TPD52L3: variants seen among roughly 807,000 people sequenced by gnomAD.
TPD52L3 encodes the protein TPD52 like 3.
A neutral mutation model predicts 8.7 loss-of-function variants in TPD52L3; 12 were observed. The ratio of observed to expected loss-of-function variants is 1.38; its 90% confidence interval spans 0.89 to 2.24. TPD52L3 has a LOEUF of 2.24. TPD52L3 is among the 30% of genes most tolerant of loss of function. The probability of loss-of-function intolerance (pLI) is 0.00; values close to 1 mark genes in which losing one functional copy is unlikely to be tolerated. For synonymous variants in TPD52L3, 79 were observed against 66.8 expected (o/e 1.18, Z -0.89); for missense variants, 207 against 158.7 (o/e 1.30, Z -1.64).
Position 6,328,419 on chromosome 9 carries a change from A to G in TPD52L3, c.-177A>G. The G allele has an allele frequency of 1.4e-6, 1 of 690,380 alleles. No individual in the cohort carries two copies. Among genetic ancestry groups the G allele is most frequent in the Non-Finnish European group, 2.4e-6 (1 of 415,794 alleles). 42.8% of individuals were successfully genotyped at this position (690,380 alleles called of 1,614,324 possible). The stretch of plus-strand genomic sequence containing the variant: ...CAACTGTCAAGGTGTCCATTGTACC[A>G]GCTGGGCCATGGATCCCTCCCGCCT... On this transcript the variant is annotated 5_prime_UTR_variant, in exon 1 of 2. Coordinates refer to ENST00000314556, the MANE Select transcript of TPD52L3 (RefSeq NM_001001874.3).
chr9:6,330,866 T>C, intron 1 of TPD52L3, 110 bp from the exon 2 acceptor site: 1 of 1,506,722 alleles, frequency 6.6e-7, no homozygotes, highest in Non-Finnish European at 8.9e-7. Flanking sequence ...ATATTTTATT[T>C]AATAATTTCT....
intron 1 of TPD52L3, chr9:6,329,729 T>C: frequency 1.0e-6 from 1 of 1,004,046 alleles, no homozygotes; most frequent in Non-Finnish European, 1.2e-6. Context: ...ATAGTGGTAG[T>C]GCACTAATTG....
rs1818057114 is a variant in TPD52L3 at position 6,328,436 on chromosome 9, C to T, written c.-160C>T. On this transcript the variant is annotated 5_prime_UTR_variant, in exon 1 of 2. Transcript: ENST00000314556. Reference sequence around the variant, plus strand: ...ATTGTACCAGCTGGGCCATGGATCCCTCCCGCCTGAAATCTGACTCCACCT... The same window carrying T: ...ATTGTACCAGCTGGGCCATGGATCCTTCCCGCCTGAAATCTGACTCCACCT... 1 of 851,506 alleles carries T rather than the reference C, an allele frequency of 1.2e-6. No homozygotes were observed. The highest frequency in any genetic ancestry group is 1.8e-6 in the Non-Finnish European group (1 of 550,456). The allele number at this position is 851,506 out of a possible 1,614,324, so 52.7% of individuals were successfully genotyped here. A position where few individuals can be genotyped will look rare whatever the true frequency, so the allele number is the denominator to read the frequency against.
At chr9:6,330,193 G>C (rs776665704) in intron 1 of TPD52L3, 1 of 1,614,078 alleles carries the variant, frequency 6.2e-7, no homozygotes. Context: ...AAACCCTAAA[G>C]GAGAAGGAAG....
chr9:6,329,181 C>G, intron 1 of TPD52L3: 2 of 1,452,766 alleles, frequency 1.4e-6, no homozygotes, highest in Non-Finnish European at 1.8e-6. Flanking sequence ...CCTTGGTAAC[C>G]TTGCCTGGTA....
intron 1 of TPD52L3, chr9:6,330,495 T>G: frequency 7.9e-7 from 1 of 1,267,260 alleles, no homozygotes. Flanking sequence ...TCTGTTTTGT[T>G]GACTCTTGAA....
intron 1 of TPD52L3, chr9:6,330,707 A>G: frequency 1.6e-6 from 2 of 1,244,308 alleles, no homozygotes; most frequent in Non-Finnish European, 2.0e-6. Flanking sequence ...ATCAACCAAA[A>G]TGGCTTTGTA....
intron 1 of TPD52L3, 28 bp downstream of exon 1, chr9:6,328,990 T>C: frequency 6.2e-7 from 1 of 1,614,074 alleles, no homozygotes; most frequent in South Asian, 1.1e-5. Context: ...AAGTCCAAAG[T>C]CTCAGGGGGC....
Position 6,328,545 on chromosome 9 carries a change from T to G in TPD52L3, c.-51T>G, listed in dbSNP as rs997485390. The G allele has an allele frequency of 1.5e-5, 24 of 1,571,816 alleles. No homozygotes were observed. Among genetic ancestry groups the G allele is most frequent in the Non-Finnish European group, 1.7e-5 (20 of 1,162,992 alleles). ...TGCAGCCCAATAATTCGACTCTTTC[T>G]ACCAAGAATTGGACCTGGACTCTCT... is the stretch of plus-strand genomic sequence containing the variant. On this transcript the variant is annotated 5_prime_UTR_variant, in exon 1 of 2. Transcript: ENST00000314556.
Position 6,330,328 on chromosome 9 carries a change from GC to G in TPD52L3, c.368-646del, listed in dbSNP as rs1322195036. On this transcript the variant is annotated intron_variant, in intron 1 of 1. Transcript: ENST00000314556. ...TGTTTTCCTTTTCCATTTTCAAAAT[GC>G]CAAGATCTGGGAGCCTCTTTCACTC... 5 of 1,518,866 alleles carry G rather than the reference GC, an allele frequency of 3.3e-6. No homozygotes were observed. The East Asian group carries it at 1.2e-4, about 36-fold the overall frequency. The allele number at this position is 1,518,866 out of a possible 1,614,324, so 94.1% of individuals were successfully genotyped here. A position where few individuals can be genotyped will look rare whatever the true frequency, so the allele number is the denominator to read the frequency against.
intron 1 of TPD52L3, chr9:6,329,375 T>A: frequency 9.3e-7 from 1 of 1,075,236 alleles, no homozygotes; most frequent in Non-Finnish European, 1.1e-6. Context: ...CCTGGTTATT[T>A]TTCACTTAAG....
rs1818057171 is a variant in TPD52L3, at chr9:6,328,437, T to C, written c.-159T>C. 1 of 822,960 alleles carries C rather than the reference T, an allele frequency of 1.2e-6. No individual in the cohort carries two copies. Among genetic ancestry groups the C allele is most frequent in the Admixed American group, 2.6e-5 (1 of 38,500 alleles). The allele number at this position is 822,960 out of a possible 1,614,324, so 51.0% of individuals were successfully genotyped here. A position where few individuals can be genotyped will look rare whatever the true frequency, so the allele number is the denominator to read the frequency against. On this transcript the variant is annotated 5_prime_UTR_variant, in exon 1 of 2. Coordinates refer to ENST00000314556, the MANE Select transcript of TPD52L3 (RefSeq NM_001001874.3). ...TTGTACCAGCTGGGCCATGGATCCC[T>C]CCCGCCTGAAATCTGACTCCACCTG... is the stretch of plus-strand genomic sequence containing the variant.
chr9:6,328,895 C>G lies in TPD52L3; in HGVS notation c.300C>G (p.Thr100=), dbSNP rs772066955. The change falls in exon 1 of 2, where the codon ACC becomes ACG. Residue 100 remains threonine, a synonymous_variant. Transcript: ENST00000314556. The part of the protein sequence containing the change: ...VKQKTSAALS[T]MGTLICRKLG... ...AGAAGACATCAGCTGCTCTGTCCAC[C>G]ATGGGCACTCTCATCTGCAGGAAGC... is the stretch of plus-strand genomic sequence containing the variant. 6 of 1,614,196 alleles carry G rather than the reference C, an allele frequency of 3.7e-6. No individual in the cohort carries two copies. The East Asian group carries it at 1.3e-4, about 36-fold the overall frequency.
At chr9:6,330,242 C>A in intron 1 of TPD52L3, 1 of 1,607,860 alleles carries the variant, frequency 6.2e-7, no homozygotes, top group South Asian at 1.1e-5. Flanking sequence ...ACAGTAGGAA[C>A]CTGGACGGTG....
chr9:6,328,696 C>G lies in TPD52L3; in HGVS notation c.101C>G (p.Thr34Ser), dbSNP rs370065176. 7.7e-5 allele frequency: 125 copies of G among 1,614,026 alleles called. No homozygotes were observed. Among genetic ancestry groups the G allele is most frequent in the Non-Finnish European group, 1.1e-4 (124 of 1,180,050 alleles). Reference protein sequence around the residue: ...LTEPEQRELKTKLTKLEAEIV... With the variant: ...LTEPEQRELKSKLTKLEAEIV... ...GAGCCCGAGCAAAGAGAGCTCAAAA[C>G]CAAACTCACTAAATTGGAGGCTGAA... The change falls in exon 1 of 2, where the codon ACC (threonine) becomes AGC (serine). Residue 34 changes from threonine (T) to serine (S), a missense_variant. Coordinates refer to ENST00000314556, the MANE Select transcript of TPD52L3 (RefSeq NM_001001874.3).
chr9:6,329,011 G>A, intron 1 of TPD52L3, 49 bp downstream of exon 1: 4 of 1,563,420 alleles, frequency 2.6e-6, no homozygotes, highest in Non-Finnish European at 3.5e-6. Context: ...AAAAGAGCTT[G>A]GCCCTGACTG....
chr9:6,328,672 A>G lies in TPD52L3; in HGVS notation c.77A>G (p.Glu26Gly), dbSNP rs1225124634. The stretch of plus-strand genomic sequence containing the variant: ...ACTTCTGAACTGGAGGATCTGACAG[A>G]GCCCGAGCAAAGAGAGCTCAAAACC... Reference protein sequence around the residue: ...HSTSELEDLTEPEQRELKTKL... With the variant: ...HSTSELEDLTGPEQRELKTKL... The change falls in exon 1 of 2, where the codon GAG becomes GGG. Residue 26 changes from glutamate to glycine, a missense_variant. Coordinates refer to ENST00000314556, the MANE Select transcript of TPD52L3 (RefSeq NM_001001874.3). 2 of 1,614,192 alleles carry G rather than the reference A, an allele frequency of 1.2e-6. No homozygotes were observed.
chr9:6,329,412 T>C lies in TPD52L3; in HGVS notation c.367+450T>C. ...TTGTAGACGAAATGTGCCATTATAT[T>C]AGCTTTCCTGAGACTGTATCTAATG... On this transcript the variant is annotated intron_variant, in intron 1 of 1. Transcript: ENST00000314556. 3 of 1,060,316 alleles carry C rather than the reference T, an allele frequency of 2.8e-6. No individual in the cohort carries two copies. In the South Asian group the frequency reaches 1.1e-4, roughly 38 times the overall value. The allele number at this position is 1,060,316 out of a possible 1,614,324, so 65.7% of individuals were successfully genotyped here. A position where few individuals can be genotyped will look rare whatever the true frequency, so the allele number is the denominator to read the frequency against.
chr9:6,330,569 G>C, intron 1 of TPD52L3: 2 of 1,168,046 alleles, frequency 1.7e-6, no homozygotes, highest in Non-Finnish European at 2.1e-6. Flanking sequence ...AAATACAAAA[G>C]CATCTGGTAA....
Sources: allele counts gnomAD v4.1 joint callset, GRCh38; gene constraint gnomAD v4.1.1; transcripts MANE v1.5; gene names NCBI Gene and HGNC (gene_info 2026-07-23, HGNC 2026-07-21).